SORCS2: variants seen among roughly 807,000 people sequenced by gnomAD.
SORCS2 encodes VPS10 domain-containing receptor SorCS2.
SORCS2 carries 100 observed loss-of-function variants against 141.6 expected under a neutral mutation model. The ratio of observed to expected loss-of-function variants is 0.71; its 90% CI spans 0.60 to 0.83. The LOEUF (loss-of-function observed/expected upper bound fraction) is 0.83, where lower values mean the gene tolerates loss of function less well. Among genes scored for constraint, SORCS2 ranks in the 40% least tolerant of loss-of-function variants. SORCS2 has a pLI of 0.00. For synonymous variants in SORCS2, 789 were observed against 676.9 expected, an observed-to-expected ratio of 1.17 and a Z score of -2.57; for missense variants, 1,646 against 1,560.2, an observed-to-expected ratio of 1.05 and a Z score of -0.93.
intron 1 of SORCS2, among the ~76,000 whole-genome samples, chr4:7,316,224 AT>A (rs1718541324): frequency 6.6e-6 from 1 of 151,654 alleles, no homozygotes; most frequent in South Asian, 2.1e-4. Flanking sequence ...CCATCCATCC[AT>A]CCATCCATCC....
At chr4:7,716,672 T>G (rs886653797) in intron 17 of SORCS2, among the ~76,000 whole-genome samples, 4 of 127,050 alleles carry the variant, frequency 3.1e-5, no homozygotes, top group African/African-American at 5.7e-5. Flanking sequence ...ATCTATCTAT[T>G]CATTCATTCA....
intron 3 of SORCS2, among the ~76,000 whole-genome samples, chr4:7,535,094 C>T (rs1292535758): frequency 2.0e-5 from 3 of 152,342 alleles, no homozygotes; most frequent in African/African-American, 7.2e-5. Flanking sequence ...AGCAAAGTCA[C>T]AGGTGCAGAC....
intron 23 of SORCS2, among the ~76,000 whole-genome samples, chr4:7,732,380 G>A (rs548914639): frequency 1.1e-3 from 173 of 152,302 alleles, no homozygotes; most frequent in African/African-American, 3.6e-3. Context: ...AGTGAGAGGG[G>A]CCGGGAGGGA....
intron 23 of SORCS2, among the ~76,000 whole-genome samples, chr4:7,732,408 G>A (rs1711771792): frequency 6.6e-6 from 1 of 152,184 alleles, no homozygotes; most frequent in Admixed American, 6.5e-5. Flanking sequence ...GGGTGAGGAG[G>A]AAGCCCTCCT....
intron 1 of SORCS2, among the ~76,000 whole-genome samples, chr4:7,247,695 G>A (rs1027854469): frequency 3.9e-5 from 6 of 152,212 alleles, no homozygotes; most frequent in Non-Finnish European, 8.8e-5. Context: ...GGTGGGCAGC[G>A]GGGCGCGGCC....
chr4:7,436,887 G>A (rs554087648), intron 2 of SORCS2, among the ~76,000 whole-genome samples: 12 of 152,290 alleles, frequency 7.9e-5, no homozygotes, highest in Non-Finnish European at 1.2e-4. Flanking sequence ...GGAGCGGCAC[G>A]GATTGGGCAT....
chr4:7,442,913 G>A (rs1430139644), intron 2 of SORCS2, among the ~76,000 whole-genome samples: 4 of 152,038 alleles, frequency 2.6e-5, no homozygotes, highest in African/African-American at 4.8e-5. Flanking sequence ...TGCTCCCTCC[G>A]AAGGCTGCGG....
intron 3 of SORCS2, among the ~76,000 whole-genome samples, chr4:7,569,896 A>G (rs749420561): frequency 2.0e-5 from 3 of 152,162 alleles, no homozygotes; most frequent in Non-Finnish European, 2.9e-5. Flanking sequence ...GCCTCTCCGG[A>G]ACTTCCTCCT....
intron 1 of SORCS2, among the ~76,000 whole-genome samples, chr4:7,297,276 A>G (rs972086950): frequency 6.6e-6 from 1 of 152,080 alleles, no homozygotes; most frequent in East Asian, 1.9e-4. Flanking sequence ...TGAGGGAGGA[A>G]TCGGTGAATG....
intron 9 of SORCS2, among the ~76,000 whole-genome samples, chr4:7,682,090 G>A (rs1026552688): frequency 6.6e-6 from 1 of 152,200 alleles, no homozygotes; most frequent in Non-Finnish European, 1.5e-5. Context: ...ATAGTTGCAC[G>A]TTTCTTATAG....
intron 23 of SORCS2, among the ~76,000 whole-genome samples, chr4:7,730,049 G>A (rs1221716142): frequency 6.6e-6 from 1 of 152,230 alleles, no homozygotes; most frequent in Non-Finnish European, 1.5e-5. Flanking sequence ...ATGAGGCTAA[G>A]CACTGTCAGG....
At chr4:7,654,032 T>A (rs76144997) in intron 4 of SORCS2, 102 bp from the exon 5 acceptor site, 40,619 of 1,132,600 alleles carry the variant, frequency 0.036, 809 homozygotes, top group Middle Eastern at 0.044. Flanking sequence ...CAAGGATGAC[T>A]TCTCCTGGGG....
At chr4:7,714,718 C>G (rs1168202487) in intron 16 of SORCS2, among the ~76,000 whole-genome samples, 1 of 152,224 alleles carries the variant, frequency 6.6e-6, no homozygotes, top group Non-Finnish European at 1.5e-5. Flanking sequence ...CTGAAAGCCA[C>G]CCGACCTGTC....
intron 2 of SORCS2, among the ~76,000 whole-genome samples, chr4:7,417,890 A>T (rs1198473598): frequency 6.6e-6 from 1 of 152,222 alleles, no homozygotes; most frequent in African/African-American, 2.4e-5. Flanking sequence ...GAGCAGCCCC[A>T]CCAAGGGGCA....
chr4:7,656,376 T>G (rs1049634756), intron 5 of SORCS2, among the ~76,000 whole-genome samples: 2 of 149,318 alleles, frequency 1.3e-5, no homozygotes, highest in African/African-American at 4.9e-5. Flanking sequence ...CCATCCTGCT[T>G]TGAATACTGA....
At chr4:7,635,460 G>C (rs1720181501) in intron 3 of SORCS2, among the ~76,000 whole-genome samples, 1 of 152,150 alleles carries the variant, frequency 6.6e-6, no homozygotes, top group African/African-American at 2.4e-5. Flanking sequence ...GTCCCGCCAA[G>C]CTGCCTTCCA....
intron 1 of SORCS2, among the ~76,000 whole-genome samples, chr4:7,338,045 G>A (rs750541410): frequency 9.9e-5 from 15 of 152,240 alleles, no homozygotes; most frequent in Non-Finnish European, 1.6e-4. Context: ...GAGCTCTATA[G>A]TGACAGCATC....
At chr4:7,380,482 CAA>C (rs1722919127) in intron 1 of SORCS2, among the ~76,000 whole-genome samples, 1 of 136,450 alleles carries the variant, frequency 7.3e-6, no homozygotes, top group African/African-American at 2.8e-5. Context: ...AATTCAAATT[CAA>C]GAGAAACTGA....
chr4:7,347,694 T>C (rs1209583800), intron 1 of SORCS2, among the ~76,000 whole-genome samples: 4 of 152,244 alleles, frequency 2.6e-5, no homozygotes, highest in African/African-American at 4.8e-5. Flanking sequence ...GTGGACACTT[T>C]CCTCTGATAT....
Sources: gnomAD v4.1 joint callset for allele counts (sites outside exome capture counted in the v4.1 genomes callset) on GRCh38, gnomAD v4.1.1 for gene constraint, MANE v1.5 for transcripts, NCBI Gene and HGNC (gene_info 2026-07-23, HGNC 2026-07-21) for gene names.